The following ROBO2 variants were observed in gnomAD, a reference collection of about 807,000 sequenced individuals.
The protein encoded by ROBO2 is roundabout homolog 2.
ROBO2 carries 53 observed loss-of-function variants against 160.8 expected under a neutral mutation model. That is an observed-to-expected ratio of 0.33 (90% CI 0.26 to 0.41). The LOEUF is 0.41. Among genes scored for constraint, ROBO2 ranks in the 10% least tolerant of loss-of-function variants. The pLI is 1.00. For synonymous variants in ROBO2, 664 were observed against 611.7 expected (o/e 1.09, Z -1.26); for missense variants, 1,577 against 1,722.4 (o/e 0.92, Z 1.49).
chr3:77,338,932 A>T (rs2066771991), intron 2 of ROBO2, among the ~76,000 whole-genome samples: 1 of 152,140 alleles, frequency 6.6e-6, no homozygotes, highest in Admixed American at 6.6e-5. Flanking sequence ...TATAGATCTG[A>T]TAATAGAAAC....
chr3:76,541,528 C>A (rs2082817037), intron 2 of ROBO2, among the ~76,000 whole-genome samples: 1 of 152,148 alleles, frequency 6.6e-6, no homozygotes, highest in East Asian at 1.9e-4. Context: ...CCAGTCAGGT[C>A]CTGTTATAAG....
rs533231372 is a variant in ROBO2, at chr3:76,753,857, A to G, written c.110-344157A>G. ...TAGTTTCAGGACTGGCTCTCAATAT[A>G]ACTGAAACAAATTTAGCTTGGTGAA... On this transcript the variant is annotated intron_variant, in intron 2 of 26. Coordinates refer to the ROBO2 transcript ENST00000487694. Among the ~76,000 whole-genome samples, 91 of 151,998 alleles carry G rather than the reference A, an allele frequency of 6.0e-4. 1 individual carries two copies. Among genetic ancestry groups the G allele is most frequent in the Non-Finnish European group, 1.2e-3 (79 of 67,894 alleles).
chr3:76,844,199 A>C (rs1448511210), intron 2 of ROBO2, among the ~76,000 whole-genome samples: 1 of 151,950 alleles, frequency 6.6e-6, no homozygotes, highest in Non-Finnish European at 1.5e-5. Flanking sequence ...TTTGCAATTG[A>C]GTAAATATGA....
chr3:75,919,483 T>C (rs148738880), intron 1 of ROBO2, among the ~76,000 whole-genome samples: 23 of 152,348 alleles, frequency 1.5e-4, no homozygotes, highest in African/African-American at 5.3e-4. Context: ...TCAGTGATAT[T>C]GGCCTGAAAT....
At chr3:76,944,477 A>C (rs1002493780) in intron 2 of ROBO2, among the ~76,000 whole-genome samples, 1 of 152,224 alleles carries the variant, frequency 6.6e-6, no homozygotes, top group African/African-American at 2.4e-5. Flanking sequence ...TGTAATTCTG[A>C]GTTAAATCCT....
chr3:77,594,095 T>C (rs1252392250), intron 17 of ROBO2, among the ~76,000 whole-genome samples: 2 of 152,182 alleles, frequency 1.3e-5, no homozygotes, highest in African/African-American at 4.8e-5. Context: ...TTTTTAAAAA[T>C]AATTTTCTAG....
At chr3:76,854,054 CTCTCTCTCTCTCTT>C (rs2069745005) in intron 2 of ROBO2, among the ~76,000 whole-genome samples, 2 of 85,382 alleles carry the variant, frequency 2.3e-5, no homozygotes, top group African/African-American at 4.1e-5. Flanking sequence ...CTCTCTCTCT[CTCTCTCTCTCTCTT>C]TCTCTGTCTG....
At chr3:76,334,458 T>A (rs912290438) in intron 2 of ROBO2, among the ~76,000 whole-genome samples, 3 of 152,164 alleles carry the variant, frequency 2.0e-5, no homozygotes, top group Admixed American at 1.3e-4. Flanking sequence ...GAGCACCCAG[T>A]GAGAGAAAGA....
At chr3:76,539,324 C>T (rs2082690364) in intron 2 of ROBO2, among the ~76,000 whole-genome samples, 2 of 151,216 alleles carry the variant, frequency 1.3e-5, no homozygotes, top group Non-Finnish European at 2.9e-5. Context: ...AACACACCTG[C>T]CCGTTCAGCA....
At chr3:76,056,371 A>T (rs983726832) in intron 2 of ROBO2, among the ~76,000 whole-genome samples, 1 of 152,182 alleles carries the variant, frequency 6.6e-6, no homozygotes, top group Non-Finnish European at 1.5e-5. Context: ...TATAGTTCTA[A>T]TACTAACCCT....
At chr3:76,586,907 A>G (rs2086075552) in intron 2 of ROBO2, among the ~76,000 whole-genome samples, 1 of 152,252 alleles carries the variant, frequency 6.6e-6, no homozygotes, top group Non-Finnish European at 1.5e-5. Flanking sequence ...TCAACTCAGA[A>G]GCTGATGCTC....
chr3:76,796,511 A>AAGGAAGGAAG (rs2063711810), intron 2 of ROBO2, among the ~76,000 whole-genome samples: 16 of 144,522 alleles, frequency 1.1e-4, no homozygotes, highest in African/African-American at 4.2e-4. Flanking sequence ...AAAGAAGGAA[A>AAGGAAGGAAG]GAAGGAAGGA....
intron 1 of ROBO2, among the ~76,000 whole-genome samples, chr3:75,925,010 T>C (rs1347649887): frequency 6.6e-6 from 1 of 152,046 alleles, no homozygotes; most frequent in Non-Finnish European, 1.5e-5. Context: ...CTTCAGATAG[T>C]TCTTCATATT....
At chr3:76,283,167 T>TATATATATATATATATATATATAA (rs1576253117) in intron 2 of ROBO2, among the ~76,000 whole-genome samples, 3 of 141,424 alleles carry the variant, frequency 2.1e-5, no homozygotes, top group East Asian at 2.2e-4. Flanking sequence ...TACATATATA[T>TATATATATATATATATATATATAA]AGTGACCCCT....
At position 77,196,610 on chromosome 3, in the gene ROBO2, TGGCAGTTCAA is replaced by T. The variant is rs201095546; in HGVS notation, c.388+98273_388+98282del. The stretch of plus-strand genomic sequence containing the variant: ...AATCAGAATATACTTAAATACATTG[TGGCAGTTCAA>T]GGGCATATGTACATGTTATTTATTG... On this transcript the variant is annotated intron_variant, in intron 2 of 25. Coordinates refer to ENST00000461745, the Ensembl canonical transcript of ROBO2. Among the ~76,000 whole-genome samples the T allele has an allele frequency of 2.0e-5, 3 of 152,136 alleles. No individual in the cohort carries two copies. The East Asian group carries it at 5.8e-4, about 29-fold the overall frequency.
At chr3:77,289,242 G>T (rs1435033767) in intron 2 of ROBO2, among the ~76,000 whole-genome samples, 1 of 152,134 alleles carries the variant, frequency 6.6e-6, no homozygotes, top group Non-Finnish European at 1.5e-5. Flanking sequence ...ATTGTAAATT[G>T]AGGTAAGTTC....
At chr3:75,979,926 C>T (rs752910056) in intron 2 of ROBO2, among the ~76,000 whole-genome samples, 1 of 151,324 alleles carries the variant, frequency 6.6e-6, no homozygotes, top group Non-Finnish European at 1.5e-5. Flanking sequence ...CAAGAAATTC[C>T]ATTTCCTAAA....
rs6763157 is a variant in ROBO2 at position 76,589,445 on chromosome 3, C to T, written c.110-508569C>T. Among the ~76,000 whole-genome samples the T allele has an allele frequency of 4.8e-3, 725 of 152,182 alleles. 5 individuals carry two copies. Among genetic ancestry groups the T allele is most frequent in the African/African-American group, 0.015 (636 of 41,512 alleles). ...CCTCCCGAGTAGCTGGGACTACAGG[C>T]GCCGCCACCACGCCCGGCTAATTTT... On this transcript the variant is annotated intron_variant, in intron 2 of 26. Transcript: ENST00000487694.
chr3:76,167,063 C>T (rs1397379618), intron 2 of ROBO2, among the ~76,000 whole-genome samples: 2 of 152,120 alleles, frequency 1.3e-5, no homozygotes, highest in Non-Finnish European at 2.9e-5. Flanking sequence ...ACCTCAGCCT[C>T]TCAAGTAGCT....
Sources: allele counts gnomAD v4.1 joint callset (sites outside exome capture counted in the v4.1 genomes callset), GRCh38; gene constraint gnomAD v4.1.1; transcripts MANE v1.5; gene names NCBI Gene and HGNC (gene_info 2026-07-23, HGNC 2026-07-21).